Variants in CPS1 observed in about 807,000 individuals in gnomAD.
CPS1 encodes the protein carbamoyl-phosphate synthase [ammonia], mitochondrial.
A neutral mutation model predicts 174.6 loss-of-function variants in CPS1; 109 were observed. The ratio of observed to expected loss-of-function variants is 0.62; its 90% CI spans 0.53 to 0.73. The LOEUF (loss-of-function observed/expected upper bound fraction) is 0.73. Among genes scored for constraint, CPS1 ranks in the 30% least tolerant of loss-of-function variants. The probability of loss-of-function intolerance (pLI) is 0.00; values close to 1 mark genes in which losing one functional copy is unlikely to be tolerated. For missense variants in CPS1, 1,689 were observed against 1,821.9 expected (o/e 0.93, Z 1.33); for synonymous variants, 637 against 632.0 (o/e 1.01, Z -0.12).
intron 4 of CPS1, among the ~76,000 whole-genome samples, chr2:210,578,866 C>T (rs946879606): frequency 3.3e-5 from 5 of 152,136 alleles, no homozygotes; most frequent in African/African-American, 1.2e-4. Context: ...TTATTTAGGA[C>T]ACTTGTTCTC....
At chr2:210,549,287 C>G (rs1249915332) in intron 1 of CPS1, among the ~76,000 whole-genome samples, 1 of 152,024 alleles carries the variant, frequency 6.6e-6, no homozygotes, top group Admixed American at 6.6e-5. Context: ...GTTGTTTGTT[C>G]TGTCAGCATG....
intron 1 of CPS1, among the ~76,000 whole-genome samples, chr2:210,495,141 C>T (rs537508545): frequency 2.3e-4 from 35 of 152,194 alleles, no homozygotes; most frequent in African/African-American, 8.2e-4. Context: ...TTTTTTATTC[C>T]CAGCCTCAAT....
intron 35 of CPS1, 95 bp downstream of exon 35, chr2:210,675,056 A>G: frequency 1.0e-6 from 1 of 990,742 alleles, no homozygotes; most frequent in Non-Finnish European, 1.6e-6. Flanking sequence ...AGCCCAAAAT[A>G]TGTCCTTTTG....
Position 210,656,621 on chromosome 2 carries a change from G to A in CPS1, c.3655G>A (p.Ala1219Thr), listed in dbSNP as rs773539595. Reference sequence around the variant, plus strand: ...GCCCACACAAACCATCAGCCAAGGGGCCATTGAAAAGGTCATCATTTATAA... The same window carrying A: ...GCCCACACAAACCATCAGCCAAGGGACCATTGAAAAGGTCATCATTTATAA... ...MLPTQTISQG[A>T]IEKVKDATRK... The change falls in exon 30 of 38, where the codon GCC becomes ACC. Residue 1219 changes from alanine (A) to threonine (T), a missense_variant. Ala to Thr is a moderately conservative substitution (Grantham distance 58, BLOSUM62 0). Transcript: ENST00000233072. The A allele has an allele frequency of 4.2e-5, 68 of 1,611,608 alleles. No homozygotes were observed. The highest frequency in any genetic ancestry group is 2.8e-4 in the Admixed American group (17 of 59,894).
At chr2:210,647,094 C>T (rs1287715836) in intron 25 of CPS1, among the ~76,000 whole-genome samples, 2 of 151,992 alleles carry the variant, frequency 1.3e-5, no homozygotes, top group East Asian at 3.9e-4. Flanking sequence ...GTACTGTTGA[C>T]AGGTACCAAG....
intron 21 of CPS1, among the ~76,000 whole-genome samples, chr2:210,621,617 T>C (rs1699531026): frequency 6.6e-6 from 1 of 152,104 alleles, no homozygotes; most frequent in African/African-American, 2.4e-5. Flanking sequence ...ATCTCACCTA[T>C]AGTTCTTTTT....
intron 1 of CPS1, among the ~76,000 whole-genome samples, chr2:210,509,743 CAGAG>C (rs917359771): frequency 6.6e-6 from 1 of 152,234 alleles, no homozygotes; most frequent in African/African-American, 2.4e-5. Context: ...AGCAGACAAA[CAGAG>C]AGCCAAATCA....
intron 34 of CPS1, among the ~76,000 whole-genome samples, chr2:210,668,628 A>T (rs1215533633): frequency 6.6e-6 from 1 of 152,052 alleles, no homozygotes; most frequent in Admixed American, 6.6e-5. Context: ...TAGTTCCTGA[A>T]CATAGGCATT....
At chr2:210,520,800 G>C (rs1335178319) in intron 1 of CPS1, among the ~76,000 whole-genome samples, 1 of 151,906 alleles carries the variant, frequency 6.6e-6, no homozygotes, top group Non-Finnish European at 1.5e-5. Flanking sequence ...TTTCATTGCT[G>C]AGTATTCCAT....
intron 1 of CPS1, among the ~76,000 whole-genome samples, chr2:210,496,305 C>T (rs1205126197): frequency 1.3e-5 from 2 of 152,160 alleles, no homozygotes; most frequent in Non-Finnish European, 2.9e-5. Flanking sequence ...GGAAACAAGT[C>T]CTTCTGCCTT....
intron 34 of CPS1, among the ~76,000 whole-genome samples, chr2:210,668,544 G>A (rs1223474662): frequency 3.9e-5 from 6 of 151,964 alleles, no homozygotes; most frequent in African/African-American, 1.2e-4. Flanking sequence ...TGGGATGCAG[G>A]GTACTTTAAA....
At chr2:210,599,649 T>A (rs1698638647) in intron 14 of CPS1, 88 bp downstream of exon 14, 21 of 1,432,086 alleles carry the variant, frequency 1.5e-5, no homozygotes, top group Non-Finnish European at 2.1e-5. Flanking sequence ...CAATTGTGCT[T>A]TGTGTGTTCA....
intron 23 of CPS1, among the ~76,000 whole-genome samples, chr2:210,639,663 TATG>T (rs1363304664): frequency 6.9e-6 from 1 of 144,814 alleles, no homozygotes; most frequent in Admixed American, 6.8e-5. Flanking sequence ...GTGTGTCAGG[TATG>T]ATGATATGTT....
At position 210,675,833 on chromosome 2, in the gene CPS1, A is replaced by G. The variant is rs767377977; in HGVS notation, c.4267A>G (p.Ile1423Val). 7 of 1,455,582 alleles carry G rather than the reference A, an allele frequency of 4.8e-6. No individual in the cohort carries two copies. The highest frequency in any genetic ancestry group is 3.4e-5 in the South Asian group (3 of 87,828). The allele number at this position is 1,455,582 out of a possible 1,614,324, so 90.2% of individuals were successfully genotyped here. ...QEGQNPSLSS[I>V]RKLIRDGSID... is the part of the protein sequence containing the mutation. ...AGGACAGAATCCCAGCCTCTCTTCC[A>G]TCAGAAAGTAAGAACTAGGCATACT... The change falls in exon 36 of 38, where the codon ATC (isoleucine) becomes GTC (valine). Residue 1423 changes from isoleucine (I) to valine (V), a missense_variant. Coordinates refer to ENST00000233072, the MANE Select transcript of CPS1 (RefSeq NM_001875.5).
At position 210,668,252 on chromosome 2, in the gene CPS1, A is replaced by G; in HGVS notation, c.4069A>G (p.Ile1357Val). 1 of 1,613,960 alleles carries G rather than the reference A, an allele frequency of 6.2e-7. No homozygotes were observed. Among genetic ancestry groups the G allele is most frequent in the Non-Finnish European group, 8.5e-7 (1 of 1,179,886 alleles). Residue 1357 changes from isoleucine to valine, a missense_variant, in exon 34 of 38, where the codon ATA (isoleucine) becomes GTA (valine). Physicochemically the swap from Ile to Val is conservative, Grantham distance 29. Transcript: ENST00000233072. Reference protein sequence around the residue: ...LKAMLSTGFKIPQKGILIGIQ... With the variant: ...LKAMLSTGFKVPQKGILIGIQ... Reference sequence around the variant, plus strand: ...GGCAATGCTTTCCACAGGATTTAAGATACCCCAGAAAGGCATCCTGATAGG... The same window carrying G: ...GGCAATGCTTTCCACAGGATTTAAGGTACCCCAGAAAGGCATCCTGATAGG...
rs777661029 is a variant in CPS1, at chr2:210,592,017, G to A, written c.1086+48G>A. On this transcript the variant is annotated intron_variant, in intron 10 of 37. Transcript: ENST00000233072. ...TTCAGTTGGTGATGAGAAACGCAGG[G>A]CTTTTAAAAATAATTGATACATAAG... 2.0e-5 allele frequency: 31 copies of A among 1,580,896 alleles called. No homozygotes were observed. The East Asian group carries it at 6.3e-4, about 32-fold the overall frequency.
chr2:210,568,750 G>GT (rs1212763337), intron 1 of CPS1, among the ~76,000 whole-genome samples: 2 of 151,920 alleles, frequency 1.3e-5, no homozygotes, highest in Admixed American at 6.6e-5. Flanking sequence ...TAAAATATTC[G>GT]TAAGACTAAC....
intron 28 of CPS1, among the ~76,000 whole-genome samples, chr2:210,652,022 T>G (rs1399268882): frequency 6.6e-6 from 1 of 151,634 alleles, no homozygotes; most frequent in Non-Finnish European, 1.5e-5. Context: ...TGAGGGAGAG[T>G]GTGAAAGTCT....
intron 28 of CPS1, 88 bp downstream of exon 28, chr2:210,650,526 C>T (rs142956618): frequency 2.1e-6 from 2 of 957,516 alleles, no homozygotes; most frequent in East Asian, 4.8e-5. Flanking sequence ...TGACATTTAT[C>T]TCTTAATGCA....
Sources: gnomAD v4.1 joint callset for allele counts (sites outside exome capture counted in the v4.1 genomes callset) on GRCh38, gnomAD v4.1.1 for gene constraint, MANE v1.5 for transcripts, NCBI Gene and HGNC (gene_info 2026-07-23, HGNC 2026-07-21) for gene names.